The following ELN variants were observed in gnomAD, a reference collection of about 807,000 sequenced individuals.
ELN encodes tropoelastin.
A neutral mutation model predicts 105.8 loss-of-function variants in ELN; 65 were observed. That is an observed-to-expected ratio of 0.61 (90% confidence interval 0.50 to 0.75). The LOEUF is 0.75. ELN is among the 30% of genes least tolerant of loss of function. ELN has a pLI of 0.00. For missense variants in ELN, 882 were observed against 969.4 expected (o/e 0.91, Z 1.20); for synonymous variants, 368 against 389.2 (o/e 0.95, Z 0.64).
chr7:74,063,426 G>A lies in ELN; in HGVS notation c.1918+57G>A, dbSNP rs1554686592. 4 of 1,547,248 alleles carry A rather than the reference G, an allele frequency of 2.6e-6. No homozygotes were observed. The African/African-American group carries it at 5.5e-5, about 21-fold the overall frequency. On this transcript the variant is annotated intron_variant, in intron 28 of 32. Coordinates refer to ENST00000252034, the MANE Select transcript of ELN (RefSeq NM_000501.4). The surrounding 1 kb of genome is among the most constrained non-coding windows in gnomAD (Gnocchi z 4.1). ...CAGGCCCCCAGGCCCCCAGGGTGTGGGAGGAGCTTCTGACCAGGCACTGTA... is the reference window on the plus strand; with the variant it reads ...CAGGCCCCCAGGCCCCCAGGGTGTGAGAGGAGCTTCTGACCAGGCACTGTA...
chr7:74,060,416 A>T lies in ELN; in HGVS notation c.1662A>T (p.Gly554=). ...AGLGAGIPGL[G]VGVGVPGLGV... Reference sequence around the variant, plus strand: ...TTGGTGCTGGCATCCCTGGACTTGGAGTTGGTGTCGGCGTCCCTGGACTTG... The same window carrying T: ...TTGGTGCTGGCATCCCTGGACTTGGTGTTGGTGTCGGCGTCCCTGGACTTG... Residue 554 remains glycine (G), a synonymous_variant, in exon 25 of 33, where the codon GGA becomes GGT. Coordinates refer to ENST00000252034, the MANE Select transcript of ELN (RefSeq NM_000501.4). 1 of 1,613,790 alleles carries T rather than the reference A, an allele frequency of 6.2e-7. No homozygotes were observed. Among genetic ancestry groups the T allele is most frequent in the Non-Finnish European group, 8.5e-7 (1 of 1,179,934 alleles).
At position 74,047,678 on chromosome 7, in the gene ELN, G is replaced by T. The variant is rs145612009; in HGVS notation, c.647G>T (p.Gly216Val). The change falls in exon 13 of 33, where the codon GGC becomes GTC. Residue 216 changes from glycine to valine, a missense_variant. Transcript: ENST00000252034. ...YPIKAPKLPG[G>V]YGLPYTTGKL... Reference sequence around the variant, plus strand: ...GTTTGCTCTGTCCTCTCTCCAGGTGGCTATGGACTGCCCTACACCACAGGG... The same window carrying T: ...GTTTGCTCTGTCCTCTCTCCAGGTGTCTATGGACTGCCCTACACCACAGGG... The T allele has an allele frequency of 4.2e-4, 674 of 1,614,062 alleles. No homozygotes were observed. The highest frequency in any genetic ancestry group is 5.5e-4 in the Non-Finnish European group (644 of 1,180,020).
At chr7:74,033,251 C>G (rs1047694360) in intron 1 of ELN, among the ~76,000 whole-genome samples, 1 of 152,224 alleles carries the variant, frequency 6.6e-6, no homozygotes, top group Non-Finnish European at 1.5e-5. Flanking sequence ...CTCTTCCCCC[C>G]ACCTCCACCA....
chr7:74,058,605 C>T (rs1049314923), intron 22 of ELN, among the ~76,000 whole-genome samples: 1 of 152,224 alleles, frequency 6.6e-6, no homozygotes, highest in Non-Finnish European at 1.5e-5. Flanking sequence ...ATCCTCCTGC[C>T]TCTGCCTCCC....
chr7:74,043,039 G>A lies in ELN; in HGVS notation c.376+5G>A, dbSNP rs782770862. The A allele has an allele frequency of 9.2e-5, 148 of 1,614,184 alleles. No homozygotes were observed. The highest frequency in any genetic ancestry group is 1.2e-4 in the Non-Finnish European group (136 of 1,180,034). On this transcript the variant is annotated splice_donor_5th_base_variant and intron_variant, in intron 7 of 32. Transcript: ENST00000252034. ...GTGGCTTAGGAGTGTCTGCAGGTAC[G>A]ATGGCTATCCCCGAACTCCCTGGGT...
intron 15 of ELN, among the ~76,000 whole-genome samples, chr7:74,051,055 C>A (rs1364955287): frequency 3.3e-5 from 5 of 152,224 alleles, no homozygotes; most frequent in African/African-American, 1.2e-4. Context: ...AGCATGGCTG[C>A]AGATGGAACG....
Position 74,063,866 on chromosome 7 carries a change from G to A in ELN, c.1993+171G>A, listed in dbSNP as rs546997796. On this transcript the variant is annotated intron_variant, in intron 29 of 32. Transcript: ENST00000252034. The surrounding 1 kb of genome is among the most constrained non-coding windows in gnomAD (Gnocchi z 4.1). The stretch of plus-strand genomic sequence containing the variant: ...GCCTGCAATCCCAGCACTCTAGTAG[G>A]CCAAGGTGGGCGGATCACTAGAGGT... Among the ~76,000 whole-genome samples the A allele has an allele frequency of 9.2e-5, 14 of 152,258 alleles. No homozygotes were observed. The South Asian group carries it at 2.9e-3, about 32-fold the overall frequency.
At chr7:74,046,364 A>AAT in intron 11 of ELN, 147 bp downstream of exon 11, 2 of 1,180,120 alleles carry the variant, frequency 1.7e-6, no homozygotes, top group Middle Eastern at 5.4e-4. Flanking sequence ...TGTAGCACAA[A>AAT]GTGGCACCCA....
intron 26 of ELN, among the ~76,000 whole-genome samples, chr7:74,062,590 G>A (rs1213968172): frequency 2.6e-5 from 4 of 152,028 alleles, no homozygotes; most frequent in African/African-American, 7.2e-5. Flanking sequence ...TTGCTCTGTC[G>A]CCCAGGCTGG....
chr7:74,043,037 A>T lies in ELN; in HGVS notation c.376+3A>T, dbSNP rs782126289. The T allele has an allele frequency of 1.2e-6, 2 of 1,614,116 alleles. No homozygotes were observed. The highest frequency in any genetic ancestry group is 1.7e-6 in the Non-Finnish European group (2 of 1,180,012). On this transcript the variant is annotated splice_donor_region_variant and intron_variant, in intron 7 of 32. Transcript: ENST00000252034. Reference sequence around the variant, plus strand: ...TGGTGGCTTAGGAGTGTCTGCAGGTACGATGGCTATCCCCGAACTCCCTGG... The same window carrying T: ...TGGTGGCTTAGGAGTGTCTGCAGGTTCGATGGCTATCCCCGAACTCCCTGG...
At chr7:74,046,574 C>A in intron 11 of ELN, 122 bp from the exon 12 acceptor site, 1 of 1,052,236 alleles carries the variant, frequency 9.5e-7, no homozygotes, top group Non-Finnish European at 1.5e-6. Flanking sequence ...GGGAGTCCCT[C>A]GAAGCAGGAT....
chr7:74,064,347 G>A (rs562776162), intron 29 of ELN, among the ~76,000 whole-genome samples: 185 of 150,898 alleles, frequency 1.2e-3, no homozygotes, highest in African/African-American at 4.1e-3. Flanking sequence ...CCTGGGAGGC[G>A]GAGCTTGCAG....
At chr7:74,065,658 G>A in intron 29 of ELN, 36 bp from the exon 30 acceptor site, 1 of 1,609,012 alleles carries the variant, frequency 6.2e-7, no homozygotes, top group Non-Finnish European at 8.5e-7. Context: ...AGGTGGCATT[G>A]GCATTCCTGA....
At chr7:74,056,587 T>C in intron 20 of ELN, 85 bp from the exon 21 acceptor site, 1 of 1,609,604 alleles carries the variant, frequency 6.2e-7, no homozygotes, top group Non-Finnish European at 8.5e-7. Flanking sequence ...ATCCATGCCT[T>C]ACAGGGCAGA....
chr7:74,034,682 G>A (rs1554664435), intron 1 of ELN, among the ~76,000 whole-genome samples: 1 of 152,124 alleles, frequency 6.6e-6, no homozygotes, highest in African/African-American at 2.4e-5. Context: ...TCCAGCCTGG[G>A]TGACAGAGCA....
intron 9 of ELN, 74 bp downstream of exon 9, chr7:74,043,994 C>T (rs1245223211): frequency 1.9e-6 from 3 of 1,586,282 alleles, no homozygotes; most frequent in Non-Finnish European, 2.6e-6. Context: ...GCCTATAATC[C>T]CATTGCTTTG....
Position 74,057,670 on chromosome 7 carries a change from A to G in ELN, c.1388A>G (p.Lys463Arg), listed in dbSNP as rs34945509. The G allele has an allele frequency of 9.5e-4, 1,541 of 1,613,616 alleles. 13 individuals are homozygous for G. In the African/African-American group the frequency reaches 0.017, roughly 18 times the overall value. Residue 463 changes from lysine to arginine, a missense_variant, in exon 22 of 33, where the codon AAA (lysine) becomes AGA (arginine). Lys to Arg is a conservative substitution (Grantham distance 26). Transcript: ENST00000252034. ...GGGACCCCAGCAGCTGCAGCTGCTA[A>G]AGCAGCCGCCAAAGCCGCCCAGTTT... ...GVGTPAAAAA[K>R]AAAKAAQFGL...
chr7:74,052,335 T>C (rs1434136299), intron 17 of ELN: 6 of 330,586 alleles, frequency 1.8e-5, no homozygotes, highest in Admixed American at 1.7e-4. Context: ...GCACAGTGGC[T>C]CACGCCTGTA....
At position 74,047,717 on chromosome 7, in the gene ELN, G is replaced by C. The variant is rs1554673400; in HGVS notation, c.685+1G>C. On this transcript the variant is annotated splice_donor_variant, in intron 13 of 32. Transcript: ENST00000252034. LOFTEE classifies it high-confidence loss of function. ...TACACCACAGGGAAACTGCCCTATG[G>C]TGAGTGAGACCCTTCTAGACTGTGG... 1 of 1,614,170 alleles carries C rather than the reference G, an allele frequency of 6.2e-7. No individual in the cohort carries two copies. The highest frequency in any genetic ancestry group is 2.2e-5 in the East Asian group (1 of 44,870).
Sources: allele counts gnomAD v4.1 joint callset (sites outside exome capture counted in the v4.1 genomes callset), GRCh38; gene constraint gnomAD v4.1.1; non-coding constraint Gnocchi (gnomAD v3.1); transcripts MANE v1.5; gene names NCBI Gene and HGNC (gene_info 2026-07-23, HGNC 2026-07-21).